Variants in SCARF2 observed in about 807,000 individuals in gnomAD.
SCARF2 encodes the protein scavenger receptor expressed by endothelial cells 2 protein.
A neutral mutation model predicts 73.4 loss-of-function variants in SCARF2; 39 were observed. That is an observed-to-expected ratio of 0.53 (90% CI 0.41 to 0.69). The LOEUF (loss-of-function observed/expected upper bound fraction) is 0.69. Ranked by LOEUF, SCARF2 falls within the 30% of genes least tolerant of loss-of-function variation. SCARF2 has a pLI of 0.00. For missense variants in SCARF2, 1,148 were observed against 1,303.5 expected (o/e 0.88, Z 1.84); for synonymous variants, 605 against 590.0 (o/e 1.03, Z -0.37).
chr22:20,434,242 T>C (rs1569111819), intron 1 of SCARF2, among the ~76,000 whole-genome samples: 3 of 152,110 alleles, frequency 2.0e-5, no homozygotes, highest in Admixed American at 6.6e-5. Flanking sequence ...TGCAGTGAGC[T>C]GTGATGGCAC....
chr22:20,429,600 C>A lies in SCARF2; in HGVS notation c.1360G>T (p.Val454Phe). The A allele has an allele frequency of 1.2e-6, 2 of 1,613,578 alleles. No individual in the cohort carries two copies. Among genetic ancestry groups the A allele is most frequent in the Non-Finnish European group, 1.7e-6 (2 of 1,179,920 alleles). The change falls in exon 8 of 11, where the codon GTC becomes TTC. Residue 454 changes from valine to phenylalanine, a missense_variant. Transcript: ENST00000622235. This position sits in a 1 kb window ranked among gnomAD's most constrained non-coding sequence, Gnocchi z 5.2. The part of the protein sequence containing the change: ...MGAGALLVLL[V>F]CLLLSLLGCC... The stretch of plus-strand genomic sequence containing the variant: ...CCGAGCAGCGAGAGCAGCAGGCAGA[C>A]GAGCAGGACGAGCAGCGCGCCCGCG...
At position 20,436,012 on chromosome 22, in the gene SCARF2, G is replaced by T. The variant is rs116837811; in HGVS notation, c.173+1570C>A. 4.4e-3 allele frequency among the ~76,000 whole-genome samples: 665 copies of T among 152,362 alleles called. 4 individuals are homozygous for T. The highest frequency in any genetic ancestry group is 0.014 in the Middle Eastern group (4 of 292). The stretch of plus-strand genomic sequence containing the variant: ...ACCCCAGGTGGGCAGTGCCCAGAGT[G>T]GCTGTCCTTCCCATCGACCCTTGCC... On this transcript the variant is annotated intron_variant, in intron 1 of 10. Transcript: ENST00000622235.
chr22:20,428,074 G>T (rs1465663458), intron 9 of SCARF2, among the ~76,000 whole-genome samples: 2 of 152,174 alleles, frequency 1.3e-5, no homozygotes, highest in Non-Finnish European at 2.9e-5. Context: ...GGCTAGCCTG[G>T]CCTCCATTCC....
intron 1 of SCARF2, among the ~76,000 whole-genome samples, chr22:20,436,521 C>A (rs930690602): frequency 1.3e-5 from 2 of 151,974 alleles, no homozygotes; most frequent in Admixed American, 1.3e-4. Flanking sequence ...GAGGGGTCTG[C>A]GCGCCTCCGG....
rs1305812423 is a variant in SCARF2, at chr22:20,425,930, T to G, written c.2046A>C (p.Ser682=). 1 of 1,596,278 alleles carries G rather than the reference T, an allele frequency of 6.3e-7. No homozygotes were observed. Among genetic ancestry groups the G allele is most frequent in the Non-Finnish European group, 8.5e-7 (1 of 1,175,000 alleles). ...CGGCCTCGGAGCCTGGCGGCGGTGG[T>G]GAGGGCGCACGGCCAGCTGCAGCGG... The part of the protein sequence containing the change: ...HSAAAAGRAP[S]PPPPGSEAAP... Residue 682 remains serine (S), a synonymous_variant, in exon 11 of 11, where the codon TCA becomes TCC. Coordinates refer to ENST00000622235, the MANE Select transcript of SCARF2 (RefSeq NM_182895.5). This position sits in a 1 kb window ranked among gnomAD's most constrained non-coding sequence, Gnocchi z 4.6.
In SCARF2 at chr22:20,430,738, T is replaced by A. The variant is rs1460242630; in HGVS notation, c.1025A>T (p.His342Leu). ...GCAGCGCGTACACTTGCCGGTGACA[T>A]GGTTACAGGCATGCCCGTCGCGGCA... ...PPCRDGHACN[H>L]VTGKCTRCNA... Residue 342 changes from histidine to leucine, a missense_variant, in exon 5 of 11, where the codon CAT (histidine) becomes CTT (leucine). His to Leu is a moderately conservative substitution (Grantham distance 99). Transcript: ENST00000622235. The A allele has an allele frequency of 6.2e-7, 1 of 1,607,836 alleles. No homozygotes were observed. Among genetic ancestry groups the A allele is most frequent in the South Asian group, 1.1e-5 (1 of 90,344 alleles).
rs1569107539 is a variant in SCARF2, at chr22:20,429,166, C to T, written c.1540+59G>A. On this transcript the variant is annotated intron_variant, in intron 9 of 10. Coordinates refer to ENST00000622235, the MANE Select transcript of SCARF2 (RefSeq NM_182895.5). The surrounding 1 kb of genome is among the most constrained non-coding windows in gnomAD (Gnocchi z 5.2). The stretch of plus-strand genomic sequence containing the variant: ...ATCTGGACCCCCTCACACCCATTTC[C>T]CAGCAGCTTCCTGCGTCGAGAGGTG... The T allele has an allele frequency of 1.9e-6, 3 of 1,610,504 alleles. No individual in the cohort carries two copies. Among genetic ancestry groups the T allele is most frequent in the Non-Finnish European group, 2.5e-6 (3 of 1,177,194 alleles).
rs778639516 is a variant in SCARF2, at chr22:20,429,622, C to G, written c.1338G>C (p.Ala446=). 23 of 1,613,786 alleles carry G rather than the reference C, an allele frequency of 1.4e-5. No individual in the cohort carries two copies. The highest frequency in any genetic ancestry group is 1.9e-5 in the Non-Finnish European group (23 of 1,179,930). ...ETNQRKGVMG[A]GALLVLLVCL... Reference sequence around the variant, plus strand: ...AGACGAGCAGGACGAGCAGCGCGCCCGCGCCCATCACGCCCTTGCGCTGGT... The same window carrying G: ...AGACGAGCAGGACGAGCAGCGCGCCGGCGCCCATCACGCCCTTGCGCTGGT... Residue 446 remains alanine (A), a synonymous_variant, in exon 8 of 11, where the codon GCG becomes GCC. Coordinates refer to ENST00000622235, the MANE Select transcript of SCARF2 (RefSeq NM_182895.5). This position sits in a 1 kb window ranked among gnomAD's most constrained non-coding sequence, Gnocchi z 5.2.
Position 20,425,585 on chromosome 22 carries a change from C to T in SCARF2, c.2391G>A (p.Pro797=). 1 of 1,341,726 alleles carries T rather than the reference C, an allele frequency of 7.5e-7. No individual in the cohort carries two copies. 83.1% of individuals were successfully genotyped at this position (1,341,726 alleles called of 1,614,324 possible). A position where few individuals can be genotyped will look rare whatever the true frequency, so the allele number is the denominator to read the frequency against. Residue 797 remains proline (P), a synonymous_variant, in exon 11 of 11, where the codon CCG becomes CCA. Coordinates refer to ENST00000622235, the MANE Select transcript of SCARF2 (RefSeq NM_182895.5). This position sits in a 1 kb window ranked among gnomAD's most constrained non-coding sequence, Gnocchi z 4.6. The stretch of plus-strand genomic sequence containing the variant: ...AGCGCTTGGCTTTCTGTGGGGGCGC[C>T]GGCTTTTCCCTGGGGCCCTGCGCGC... ...ALGAQGPREK[P]APPQKAKRSV...
chr22:20,434,313 G>C (rs1356617235), intron 1 of SCARF2, among the ~76,000 whole-genome samples: 1 of 151,938 alleles, frequency 6.6e-6, no homozygotes, highest in Non-Finnish European at 1.5e-5. Context: ...GATAGAGATA[G>C]GAGAGAGAGA....
Position 20,430,463 on chromosome 22 carries a change from G to T in SCARF2, c.1168C>A (p.Arg390Ser). 6.3e-7 allele frequency: 1 copy of T among 1,593,236 alleles called. No homozygotes were observed. Among genetic ancestry groups the T allele is most frequent in the Admixed American group, 1.8e-5 (1 of 57,132 alleles). The change falls in exon 6 of 11, where the codon CGC (arginine) becomes AGC (serine). Residue 390 changes from arginine (R) to serine (S), a missense_variant. By Grantham distance (110) the Arg-to-Ser change is moderately radical. Around this residue, in one of 5 missense-constraint regions of SCARF2, gnomAD observed 372 missense variants for 532.0 expected, o/e 0.70. Coordinates refer to ENST00000622235, the MANE Select transcript of SCARF2 (RefSeq NM_182895.5). ...TGGACGCCAGGGCTGCACAGGCAGCGCCCCGACTGGAAGTCGCAGTGTCCG... is the reference window on the plus strand; with the variant it reads ...TGGACGCCAGGGCTGCACAGGCAGCTCCCCGACTGGAAGTCGCAGTGTCCG... Reference protein sequence around the residue: ...GSGHCDFQSGRCLCSPGVHGP... With the variant: ...GSGHCDFQSGSCLCSPGVHGP...
rs1319050864 is a variant in SCARF2, at chr22:20,429,009, G to A, written c.1540+216C>T. On this transcript the variant is annotated intron_variant, in intron 9 of 10. Transcript: ENST00000622235. This position sits in a 1 kb window ranked among gnomAD's most constrained non-coding sequence, Gnocchi z 5.2. ...TTTCTGACATATGCCCACATCAGCCGGCGCACCTAGGACTCCTGCCTTCCT... is the reference window on the plus strand; with the variant it reads ...TTTCTGACATATGCCCACATCAGCCAGCGCACCTAGGACTCCTGCCTTCCT... Among the ~76,000 whole-genome samples the A allele has an allele frequency of 1.3e-5, 2 of 152,052 alleles. No individual in the cohort carries two copies. Among genetic ancestry groups the A allele is most frequent in the African/African-American group, 4.8e-5 (2 of 41,400 alleles).
chr22:20,430,206 T>A (rs2052626668), intron 6 of SCARF2, among the ~76,000 whole-genome samples: 1 of 152,186 alleles, frequency 6.6e-6, no homozygotes, highest in Admixed American at 6.5e-5. Flanking sequence ...AAGAGCCCAC[T>A]GACACAGGCT....
rs2052616297 is a variant in SCARF2 at position 20,429,403 on chromosome 22, T to C, written c.1425-63A>G. 1.3e-6 allele frequency: 2 copies of C among 1,555,610 alleles called. No individual in the cohort carries two copies. Among genetic ancestry groups the C allele is most frequent in the Non-Finnish European group, 1.7e-6 (2 of 1,151,258 alleles). ...GGCGGGGCCCAGGGGCGATTAGATC[T>C]CGGCCGGAGCCAAGCACAGAAGGGG... On this transcript the variant is annotated intron_variant, in intron 8 of 10. Transcript: ENST00000622235. This position sits in a 1 kb window ranked among gnomAD's most constrained non-coding sequence, Gnocchi z 5.2.
chr22:20,429,570 A>T lies in SCARF2; in HGVS notation c.1390T>A (p.Cys464Ser). 6.2e-7 allele frequency: 1 copy of T among 1,613,250 alleles called. No homozygotes were observed. The highest frequency in any genetic ancestry group is 8.5e-7 in the Non-Finnish European group (1 of 1,179,850). Residue 464 changes from cysteine to serine, a missense_variant, in exon 8 of 11, where the codon TGC becomes AGC. Physicochemically the swap from Cys to Ser is moderately radical, Grantham distance 112. Around this residue, in one of 5 missense-constraint regions of SCARF2, gnomAD observed 437 missense variants for 433.6 expected, o/e 1.01. Transcript: ENST00000622235. This position sits in a 1 kb window ranked among gnomAD's most constrained non-coding sequence, Gnocchi z 5.2. Reference sequence around the variant, plus strand: ...GGGTCCTTGCCGCGGCAAGCGCAGCAGCAGCCGAGCAGCGAGAGCAGCAGG... The same window carrying T: ...GGGTCCTTGCCGCGGCAAGCGCAGCTGCAGCCGAGCAGCGAGAGCAGCAGG... ...VCLLLSLLGC[C>S]CACRGKDPTR...
Position 20,429,549 on chromosome 22 carries a change from C to G in SCARF2, c.1411G>C (p.Asp471His). 6.2e-7 allele frequency: 1 copy of G among 1,612,962 alleles called. No individual in the cohort carries two copies. The highest frequency in any genetic ancestry group is 8.5e-7 in the Non-Finnish European group (1 of 1,179,764). ...ATCTGGGCTCACCGGCGCGTAGGGT[C>G]CTTGCCGCGGCAAGCGCAGCAGCAG... is the stretch of plus-strand genomic sequence containing the variant. Reference protein sequence around the residue: ...LGCCCACRGKDPTRRELSLGR... With the variant: ...LGCCCACRGKHPTRRELSLGR... The change falls in exon 8 of 11, where the codon GAC (aspartate) becomes CAC (histidine). Residue 471 changes from aspartate to histidine, a missense_variant. Physicochemically the swap from Asp to His is moderately conservative, Grantham distance 81. This residue lies in a region of SCARF2 where 437 missense variants were observed against 433.6 expected (regional missense o/e 1.01). Transcript: ENST00000622235. This position sits in a 1 kb window ranked among gnomAD's most constrained non-coding sequence, Gnocchi z 5.2.
intron 9 of SCARF2, among the ~76,000 whole-genome samples, chr22:20,428,253 T>TC (rs2052602119): frequency 7.1e-6 from 1 of 141,410 alleles, no homozygotes. Context: ...CTCTTTCTTC[T>TC]TTTCTCTTCT....
chr22:20,433,517 G>A (rs2052669090), intron 1 of SCARF2, among the ~76,000 whole-genome samples: 1 of 152,140 alleles, frequency 6.6e-6, no homozygotes. Flanking sequence ...CCAGGCTTCC[G>A]AGGATGCCCC....
Position 20,437,580 on chromosome 22 carries a change from A to G in SCARF2, c.173+2T>C. The stretch of plus-strand genomic sequence containing the variant: ...CCCTCCCCCAGCCAGGCCGGCTCCT[A>G]CCCGGGAGCACGGCACACGTTGCGG... On this transcript the variant is annotated splice_donor_variant, in intron 1 of 10. Transcript: ENST00000622235. LOFTEE classifies it high-confidence loss of function. 2 of 1,572,604 alleles carry G rather than the reference A, an allele frequency of 1.3e-6. No homozygotes were observed. Among genetic ancestry groups the G allele is most frequent in the Non-Finnish European group, 8.6e-7 (1 of 1,166,972 alleles).
Sources: gnomAD v4.1 joint callset for allele counts (sites outside exome capture counted in the v4.1 genomes callset) on GRCh38, gnomAD v4.1.1 for gene constraint, gnomAD v4.1.1 regional missense constraint, Gnocchi (gnomAD v3.1) non-coding constraint, MANE v1.5 for transcripts, NCBI Gene and HGNC (gene_info 2026-07-23, HGNC 2026-07-21) for gene names.